Variants in ROR2 observed in about 807,000 individuals in gnomAD.
ROR2 encodes ROR family WNT receptor 2, also known as tyrosine-protein kinase transmembrane receptor ROR2.
In ROR2, 33 loss-of-function variants were observed where a neutral mutation model predicts 74.9. That is an observed-to-expected ratio of 0.44 (90% confidence interval 0.33 to 0.59). The LOEUF (loss-of-function observed/expected upper bound fraction) is 0.59, where lower values mean the gene tolerates loss of function less well. ROR2 is among the 20% of genes least tolerant of loss of function. The probability of loss-of-function intolerance (pLI) is 0.02; values close to 1 mark genes in which losing one functional copy is unlikely to be tolerated. For synonymous variants in ROR2, 586 were observed against 558.7 expected (o/e 1.05, Z -0.69); for missense variants, 1,216 against 1,313.8 (o/e 0.93, Z 1.15).
intron 1 of ROR2, among the ~76,000 whole-genome samples, chr9:91,817,263 C>T (rs1403589231): frequency 6.6e-6 from 1 of 152,224 alleles, no homozygotes; most frequent in Non-Finnish European, 1.5e-5. Flanking sequence ...CAGAACTGGA[C>T]TGTCCCCACC....
At position 91,852,719 on chromosome 9, in the gene ROR2, G is replaced by T. The variant is rs144839996; in HGVS notation, c.98-76901C>A. 5.9e-4 allele frequency among the ~76,000 whole-genome samples: 90 copies of T among 152,008 alleles called. 1 individual carries two copies. Among genetic ancestry groups the T allele is most frequent in the Non-Finnish European group, 1.6e-4 (11 of 68,006 alleles). On this transcript the variant is annotated intron_variant, in intron 1 of 8. Coordinates refer to ENST00000375708, the MANE Select transcript of ROR2 (RefSeq NM_004560.4). ...GGTCCGTGTAACAGGCCAAGGCACTGTCTTCAAAAAGTTAAAGAAATCATT... is the reference window on the plus strand; with the variant it reads ...GGTCCGTGTAACAGGCCAAGGCACTTTCTTCAAAAAGTTAAAGAAATCATT...
intron 1 of ROR2, among the ~76,000 whole-genome samples, chr9:91,853,922 G>A (rs1829193436): frequency 6.6e-6 from 1 of 152,204 alleles, no homozygotes. Flanking sequence ...GTGTTCCTTG[G>A]CCAATATCTG....
chr9:91,877,698 T>C (rs1287336570), intron 1 of ROR2, among the ~76,000 whole-genome samples: 2 of 152,232 alleles, frequency 1.3e-5, no homozygotes, highest in Non-Finnish European at 1.5e-5. Context: ...GTTCATTATA[T>C]AGCAGCTATT....
intron 1 of ROR2, among the ~76,000 whole-genome samples, chr9:91,872,051 T>C (rs1451852074): frequency 6.6e-6 from 1 of 152,164 alleles, no homozygotes; most frequent in African/African-American, 2.4e-5. Context: ...AGCCTCTAAA[T>C]TGTGCAGTAG....
chr9:91,813,346 T>C (rs528372950), intron 1 of ROR2, among the ~76,000 whole-genome samples: 235 of 152,334 alleles, frequency 1.5e-3, no homozygotes, highest in Non-Finnish European at 2.9e-3. Flanking sequence ...AACTCTGACT[T>C]GTCTAAATGT....
At chr9:91,845,297 G>A (rs1828894254) in intron 1 of ROR2, among the ~76,000 whole-genome samples, 1 of 152,108 alleles carries the variant, frequency 6.6e-6, no homozygotes, top group Non-Finnish European at 1.5e-5. Context: ...CTCTTCTAGG[G>A]ATGCTGCAAC....
intron 1 of ROR2, among the ~76,000 whole-genome samples, chr9:91,939,421 T>A (rs1257151301): frequency 1.3e-5 from 2 of 152,228 alleles, no homozygotes; most frequent in Non-Finnish European, 2.9e-5. Flanking sequence ...ATAACTGTTT[T>A]ATAATCTGCA....
intron 1 of ROR2, among the ~76,000 whole-genome samples, chr9:91,943,371 A>G (rs902727209): frequency 6.6e-6 from 1 of 151,892 alleles, no homozygotes; most frequent in Non-Finnish European, 1.5e-5. Flanking sequence ...TACGGTGCAT[A>G]ATTTAACATA....
intron 7 of ROR2, 51 bp from the exon 8 acceptor site, chr9:91,726,794 T>C (rs1837057155): frequency 1.3e-6 from 2 of 1,567,262 alleles, no homozygotes; most frequent in East Asian, 4.5e-5. Flanking sequence ...CCTTTTCTAC[T>C]CTAAGTTCTC....
chr9:91,825,027 G>C (rs1261664362), intron 1 of ROR2, among the ~76,000 whole-genome samples: 1 of 152,228 alleles, frequency 6.6e-6, no homozygotes, highest in Non-Finnish European at 1.5e-5. Context: ...CACAGGGCTG[G>C]GCTGTCAATG....
intron 1 of ROR2, among the ~76,000 whole-genome samples, chr9:91,779,110 G>A (rs368684724): frequency 1.3e-5 from 2 of 152,118 alleles, no homozygotes; most frequent in Admixed American, 6.5e-5. Flanking sequence ...TAGTGTGAAC[G>A]TTAGTCAAGA....
rs60111555 is a variant in ROR2 at position 91,802,067 on chromosome 9, GTTTTTTTTTTTT to G, written c.98-26261_98-26250del. 8.3e-3 allele frequency among the ~76,000 whole-genome samples: 856 copies of G among 103,722 alleles called. 7 individuals are homozygous for G. Among genetic ancestry groups the G allele is most frequent in the African/African-American group, 0.029 (825 of 28,770 alleles). The allele number at this position is 103,722 out of a possible 152,430, so 68.0% of individuals were successfully genotyped here. A position where few individuals can be genotyped will look rare whatever the true frequency, so the allele number is the denominator to read the frequency against. On this transcript the variant is annotated intron_variant, in intron 1 of 8. Coordinates refer to ENST00000375708, the MANE Select transcript of ROR2 (RefSeq NM_004560.4). ...CAAACCTTTTCTTAATTTGGAAGGT[GTTTTTTTTTTTT>G]TTTTTTTTTTTGGAGATGGAGTCTC...
At chr9:91,743,638 C>CA (rs897620745) in intron 4 of ROR2, among the ~76,000 whole-genome samples, 4 of 152,040 alleles carry the variant, frequency 2.6e-5, no homozygotes, top group Non-Finnish European at 4.4e-5. Flanking sequence ...AAGGACACCA[C>CA]AAGAGCGTTA....
At chr9:91,935,985 C>T (rs574459087) in intron 1 of ROR2, among the ~76,000 whole-genome samples, 114 of 152,356 alleles carry the variant, frequency 7.5e-4, no homozygotes, top group African/African-American at 2.6e-3. Context: ...CTCCACAAAG[C>T]ACCCACCGCC....
At chr9:91,785,276 T>C (rs140767035) in intron 1 of ROR2, among the ~76,000 whole-genome samples, 31 of 152,368 alleles carry the variant, frequency 2.0e-4, no homozygotes, top group African/African-American at 7.0e-4. Flanking sequence ...CCTGTGCATA[T>C]GGTTCACCCC....
At chr9:91,900,525 G>A (rs77229093) in intron 1 of ROR2, among the ~76,000 whole-genome samples, 3,172 of 152,304 alleles carry the variant, frequency 0.021, 112 homozygotes, top group African/African-American at 0.073. Flanking sequence ...AAGAAATGAG[G>A]AAGGCACCGC....
At chr9:91,811,453 T>G (rs974620524) in intron 1 of ROR2, among the ~76,000 whole-genome samples, 1 of 152,224 alleles carries the variant, frequency 6.6e-6, no homozygotes, top group Non-Finnish European at 1.5e-5. Flanking sequence ...TGCCTTTATA[T>G]TTGCTGTATT....
At chr9:91,772,951 G>C (rs1268432838) in intron 2 of ROR2, among the ~76,000 whole-genome samples, 1 of 152,198 alleles carries the variant, frequency 6.6e-6, no homozygotes, top group African/African-American at 2.4e-5. Context: ...GCAGCATCCA[G>C]GGAATAAAAT....
chr9:91,761,582 A>C (rs1825916870), intron 2 of ROR2, among the ~76,000 whole-genome samples: 1 of 152,156 alleles, frequency 6.6e-6, no homozygotes, highest in African/African-American at 2.4e-5. Flanking sequence ...GTGGTAATGT[A>C]ATTGATAGGG....
Sources: allele counts gnomAD v4.1 joint callset (sites outside exome capture counted in the v4.1 genomes callset), GRCh38; gene constraint gnomAD v4.1.1; transcripts MANE v1.5; gene names NCBI Gene and HGNC (gene_info 2026-07-23, HGNC 2026-07-21).